The following ACTR3C variants were observed in gnomAD, a reference collection of about 807,000 sequenced individuals.
The protein encoded by ACTR3C is actin-related protein 3C.
ACTR3C carries 18 observed loss-of-function variants against 26.3 expected under a neutral mutation model. The observed-to-expected ratio is 0.68, with a 90% CI of 0.47 to 1.01. The LOEUF (loss-of-function observed/expected upper bound fraction) is 1.01, where lower values mean the gene tolerates loss of function less well. Ranked by LOEUF, ACTR3C falls within the 50% of genes least tolerant of loss-of-function variation. The pLI is 0.00. For synonymous variants in ACTR3C, 55 were observed against 94.5 expected, an observed-to-expected ratio of 0.58 and a Z score of 2.42; for missense variants, 184 against 250.7, an observed-to-expected ratio of 0.73 and a Z score of 1.80.
chr7:150,150,776 T>C, the ACTR3C span, among the ~76,000 whole-genome samples: 3 of 137,950 alleles, frequency 2.2e-5, 1 homozygote, highest in Non-Finnish European at 4.8e-5. Flanking sequence ...AAATTATCAA[T>C]TTGCATGCTG....
At chr7:150,016,608 G>T in the ACTR3C span, among the ~76,000 whole-genome samples, 3 of 152,092 alleles carry the variant, frequency 2.0e-5, no homozygotes, top group Non-Finnish European at 4.4e-5. Flanking sequence ...TGCAGGAAAT[G>T]GGAAAAGAGC....
chr7:150,181,891 C>A, the ACTR3C span, among the ~76,000 whole-genome samples: 3,120 of 150,548 alleles, frequency 0.021, 390 homozygotes, highest in African/African-American at 0.076. Flanking sequence ...GTGCCAGACC[C>A]TGTTCTGGAC....
the ACTR3C span, among the ~76,000 whole-genome samples, chr7:150,115,850 T>G: frequency 6.6e-6 from 1 of 152,102 alleles, no homozygotes; most frequent in Non-Finnish European, 1.5e-5. Flanking sequence ...GCTTGGGGAA[T>G]GAAGACACAT....
At chr7:150,024,336 C>A in the ACTR3C span, among the ~76,000 whole-genome samples, 1 of 152,028 alleles carries the variant, frequency 6.6e-6, no homozygotes, top group African/African-American at 2.4e-5. Flanking sequence ...GTGGATGAAC[C>A]CTGGATTCTG....
At chr7:150,234,950 G>A in the ACTR3C span, among the ~76,000 whole-genome samples, 1 of 152,062 alleles carries the variant, frequency 6.6e-6, no homozygotes, top group Non-Finnish European at 1.5e-5. Context: ...CTTCCCCACT[G>A]CCCAGAAATC....
At chr7:150,094,850 G>T in the ACTR3C span, among the ~76,000 whole-genome samples, 1 of 150,594 alleles carries the variant, frequency 6.6e-6, no homozygotes, top group Non-Finnish European at 1.5e-5. Context: ...AGAAGCTCAT[G>T]CTTGCAGCTC....
At chr7:150,189,137 G>A in the ACTR3C span, among the ~76,000 whole-genome samples, 2 of 151,120 alleles carry the variant, frequency 1.3e-5, no homozygotes, top group African/African-American at 4.9e-5. Context: ...ATTTACTAAT[G>A]TATTCAACCC....
At chr7:150,057,554 G>A in the ACTR3C span, among the ~76,000 whole-genome samples, 1 of 152,102 alleles carries the variant, frequency 6.6e-6, no homozygotes, top group African/African-American at 2.4e-5. Context: ...CCAAAGTGCT[G>A]GGATTACAGA....
the ACTR3C span, among the ~76,000 whole-genome samples, chr7:150,117,592 T>C: frequency 3.9e-5 from 6 of 152,148 alleles, no homozygotes; most frequent in African/African-American, 1.4e-4. Flanking sequence ...GTCAGGGGCA[T>C]ATAGATAAAA....
the ACTR3C span, among the ~76,000 whole-genome samples, chr7:150,231,994 G>T: frequency 6.6e-6 from 1 of 152,142 alleles, no homozygotes; most frequent in South Asian, 2.1e-4. Context: ...TAGTGAATTT[G>T]TATATTTCTC....
At chr7:150,024,985 C>A in the ACTR3C span, among the ~76,000 whole-genome samples, 1 of 152,222 alleles carries the variant, frequency 6.6e-6, no homozygotes, top group East Asian at 1.9e-4. Context: ...GTCTGGAGGG[C>A]CACACCTCTG....
chr7:150,274,749 C>T lies in ACTR3C; in HGVS notation c.564+10004G>A, dbSNP rs1038601254. On this transcript the variant is annotated intron_variant, in intron 6 of 7. Transcript: ENST00000683684. The surrounding 1 kb of genome is among the most constrained non-coding windows in gnomAD (Gnocchi z 4.1). ...GCCCTGACGCCTATACTCTTAACCA[C>T]GACAAACTAAAAATAATACTGCTCA... Among the ~76,000 whole-genome samples, 7 of 152,132 alleles carry T rather than the reference C, an allele frequency of 4.6e-5. No homozygotes were observed. The highest frequency in any genetic ancestry group is 1.9e-4 in the East Asian group (1 of 5,184).
In ACTR3C at chr7:150,319,988, C is replaced by T. The variant is rs1797336128; in HGVS notation, c.-52+3481G>A. Among the ~76,000 whole-genome samples, 3 of 152,230 alleles carry T rather than the reference C, an allele frequency of 2.0e-5. No individual in the cohort carries two copies. In the South Asian group the frequency reaches 6.2e-4, roughly 32 times the overall value. On this transcript the variant is annotated intron_variant, in intron 1 of 7. Coordinates refer to ENST00000683684, the MANE Select transcript of ACTR3C (RefSeq NM_001164458.2). ...AAGATCAGCATTTCCTTCCGTTCTT[C>T]CTCTGCCAATCCATCCCTGACTGGT... is the stretch of plus-strand genomic sequence containing the variant.
chr7:150,200,903 A>T, the ACTR3C span, among the ~76,000 whole-genome samples: 1 of 152,236 alleles, frequency 6.6e-6, no homozygotes, highest in African/African-American at 2.4e-5. Context: ...ATTACCATCA[A>T]GAACTTCTTT....
the ACTR3C span, among the ~76,000 whole-genome samples, chr7:150,043,240 GT>G: frequency 6.6e-6 from 1 of 151,052 alleles, no homozygotes; most frequent in African/African-American, 2.4e-5. Flanking sequence ...AGTCCTCCAG[GT>G]GGTTCCTAAG....
the ACTR3C span, among the ~76,000 whole-genome samples, chr7:150,166,260 C>T: frequency 6.0e-5 from 9 of 151,024 alleles, no homozygotes; most frequent in Non-Finnish European, 1.2e-4. Context: ...TCTTGAAGTA[C>T]ATGTGATGTT....
chr7:149,893,475 C>G, the ACTR3C span, among the ~76,000 whole-genome samples: 1 of 152,164 alleles, frequency 6.6e-6, no homozygotes, highest in Non-Finnish European at 1.5e-5. Context: ...CTTTTGCACA[C>G]TATTTTATTA....
At chr7:150,177,740 G>A in the ACTR3C span, among the ~76,000 whole-genome samples, 1 of 150,624 alleles carries the variant, frequency 6.6e-6, no homozygotes, top group African/African-American at 2.5e-5. Context: ...GCTTCTGATT[G>A]TCTTATTTCT....
the ACTR3C span, among the ~76,000 whole-genome samples, chr7:150,153,039 A>G: frequency 1.3e-5 from 2 of 151,798 alleles, no homozygotes; most frequent in East Asian, 3.9e-4. Context: ...TTTCTTCTTT[A>G]TTAGTCTTAC....
Sources: allele counts gnomAD v4.1 joint callset (sites outside exome capture counted in the v4.1 genomes callset), GRCh38; gene constraint gnomAD v4.1.1; non-coding constraint Gnocchi (gnomAD v3.1); transcripts MANE v1.5; gene names NCBI Gene and HGNC (gene_info 2026-07-23, HGNC 2026-07-21).